Variants in IARS1 observed in about 807,000 individuals in gnomAD.
The protein encoded by IARS1 is isoleucyl-tRNA synthetase 1, also known as isoleucine--tRNA ligase, cytoplasmic.
A neutral mutation model predicts 168.2 loss-of-function variants in IARS1; 124 were observed. The ratio of observed to expected loss-of-function variants is 0.74; its 90% CI spans 0.64 to 0.86. The LOEUF (loss-of-function observed/expected upper bound fraction) is 0.86, where lower values mean the gene tolerates loss of function less well. Among genes scored for constraint, IARS1 ranks in the 40% least tolerant of loss-of-function variants. IARS1 has a pLI of 0.00. For synonymous variants in IARS1, 532 were observed against 529.4 expected (o/e 1.00, Z -0.07); for missense variants, 1,452 against 1,515.8 (o/e 0.96, Z 0.70).
At chr9:92,267,502 G>A (rs917724588) in intron 14 of IARS1, among the ~76,000 whole-genome samples, 3 of 152,092 alleles carry the variant, frequency 2.0e-5, no homozygotes, top group Admixed American at 1.3e-4. Context: ...ACTAAGTGGC[G>A]TGCACCACCA....
At chr9:92,222,340 C>CA (rs60335070) in intron 33 of IARS1, among the ~76,000 whole-genome samples, 180 bp downstream of exon 33, 601 of 55,382 alleles carry the variant, frequency 0.011, 14 homozygotes, top group East Asian at 0.022. Flanking sequence ...GACTCAGTCT[C>CA]AAAAAAAAAA....
chr9:92,261,601 A>T (rs1045345543), intron 17 of IARS1, among the ~76,000 whole-genome samples: 1 of 152,212 alleles, frequency 6.6e-6, no homozygotes, highest in African/African-American at 2.4e-5. Flanking sequence ...AGAAATCTGA[A>T]TACGATTAGT....
chr9:92,251,755 G>A, intron 22 of IARS1, 53 bp downstream of exon 22: 1 of 1,265,204 alleles, frequency 7.9e-7, no homozygotes, highest in Non-Finnish European at 1.2e-6. Flanking sequence ...GCAAGTAGGT[G>A]CTGAAGGCAG....
At chr9:92,250,908 A>C in intron 22 of IARS1, 74 bp from the exon 23 acceptor site, 1 of 1,470,056 alleles carries the variant, frequency 6.8e-7, no homozygotes, top group Non-Finnish European at 9.2e-7. Flanking sequence ...ACTGAGAAAC[A>C]ACTAAACATG....
rs1832552420 is a variant in IARS1, at chr9:92,268,217, C to A, written c.1388G>T (p.Trp463Leu). ...GACCCACAGTGGGATGGGGGTGCCC[C>A]AGTATCTGTTTCTGGAAATTGTCCA... ...RDWTISRNRY[W>L]GTPIPLWVSD... Residue 463 changes from tryptophan to leucine, a missense_variant, in exon 14 of 34, where the codon TGG becomes TTG. Transcript: ENST00000443024. 1 of 1,611,092 alleles carries A rather than the reference C, an allele frequency of 6.2e-7. No individual in the cohort carries two copies. Among genetic ancestry groups the A allele is most frequent in the Non-Finnish European group, 8.5e-7 (1 of 1,179,280 alleles).
At chr9:92,232,646 G>A (rs1826902501) in intron 30 of IARS1, among the ~76,000 whole-genome samples, 1 of 152,194 alleles carries the variant, frequency 6.6e-6, no homozygotes, top group Non-Finnish European at 1.5e-5. Flanking sequence ...ACCTGGGTAA[G>A]TTCTGAATGA....
intron 33 of IARS1, among the ~76,000 whole-genome samples, chr9:92,212,552 C>A (rs1326134074): frequency 1.3e-5 from 2 of 152,208 alleles, no homozygotes; most frequent in African/African-American, 4.8e-5. Flanking sequence ...CATGCCACTG[C>A]ATTTGCTTGC....
intron 33 of IARS1, among the ~76,000 whole-genome samples, chr9:92,220,608 A>C (rs1261752899): frequency 6.6e-6 from 1 of 151,202 alleles, no homozygotes; most frequent in African/African-American, 2.4e-5. Context: ...AACAAGAGTG[A>C]AACTCTGTCT....
At chr9:92,229,358 T>TAC (rs113517739) in intron 30 of IARS1, among the ~76,000 whole-genome samples, 6,009 of 144,824 alleles carry the variant, frequency 0.041, 197 homozygotes, top group African/African-American at 0.094. Context: ...ATATATACAC[T>TAC]ACACACACAC....
Position 92,265,487 on chromosome 9 carries a change from T to C in IARS1, c.1498A>G (p.Arg500Gly). 1 of 1,613,564 alleles carries C rather than the reference T, an allele frequency of 6.2e-7. No individual in the cohort carries two copies. The highest frequency in any genetic ancestry group is 8.5e-7 in the Non-Finnish European group (1 of 1,179,552). ...GAACATTTAGAAACTGACCTCTCTCTGTGGAGATCTGAGATCTTTGCTCCT... is the reference window on the plus strand; with the variant it reads ...GAACATTTAGAAACTGACCTCTCTCCGTGGAGATCTGAGATCTTTGCTCCT... ...LSGAKISDLH[R>G]ESVDHLTIPS... The change falls in exon 15 of 34, where the codon AGA becomes GGA. Residue 500 changes from arginine (R) to glycine (G), a missense_variant. Transcript: ENST00000443024.
At chr9:92,219,030 G>C (rs1839243158) in intron 33 of IARS1, among the ~76,000 whole-genome samples, 1 of 152,144 alleles carries the variant, frequency 6.6e-6, no homozygotes, top group Non-Finnish European at 1.5e-5. Flanking sequence ...TATACTACAA[G>C]GCTACAGTAA....
chr9:92,237,646 G>A (rs1416083634), intron 30 of IARS1, among the ~76,000 whole-genome samples: 7 of 152,066 alleles, frequency 4.6e-5, no homozygotes, highest in African/African-American at 1.2e-4. Flanking sequence ...TTTGTTAGAC[G>A]CATATAAATT....
At position 92,239,409 on chromosome 9, in the gene IARS1, A is replaced by G. The variant is rs534728178; in HGVS notation, c.3283+1447T>C. Among the ~76,000 whole-genome samples, 22 of 152,240 alleles carry G rather than the reference A, an allele frequency of 1.4e-4. No individual in the cohort carries two copies. In the South Asian group the frequency reaches 2.1e-3, roughly 14 times the overall value. On this transcript the variant is annotated intron_variant, in intron 30 of 33. Coordinates refer to ENST00000443024, the MANE Select transcript of IARS1 (RefSeq NM_002161.6). ...TCTGTAGTTCCTGATGAAAAATCCA[A>G]TATCATTTGTTCTTCCCCTGTAAGT...
rs1259355812 is a variant in IARS1 at position 92,210,565 on chromosome 9, T to A, written c.*242A>T. Reference sequence around the variant, plus strand: ...TATAGAAATAAACTGTGGGCTGAAGTAACATTGTAACCTGCTCCCAACATG... The same window carrying A: ...TATAGAAATAAACTGTGGGCTGAAGAAACATTGTAACCTGCTCCCAACATG... On this transcript the variant is annotated 3_prime_UTR_variant, in exon 34 of 34. Coordinates refer to ENST00000443024, the MANE Select transcript of IARS1 (RefSeq NM_002161.6). 20 of 386,056 alleles carry A rather than the reference T, an allele frequency of 5.2e-5. No homozygotes were observed. Among genetic ancestry groups the A allele is most frequent in the Non-Finnish European group, 4.7e-6 (1 of 213,690 alleles). The allele number at this position is 386,056 out of a possible 1,614,324, so 23.9% of individuals were successfully genotyped here. A position where few individuals can be genotyped will look rare whatever the true frequency, so the allele number is the denominator to read the frequency against.
At chr9:92,287,276 C>T (rs1224896385) in intron 4 of IARS1, 2 of 153,672 alleles carry the variant, frequency 1.3e-5, no homozygotes, top group African/African-American at 2.4e-5. Context: ...ATAAATGTTC[C>T]ATACTTAAGA....
chr9:92,242,241 T>C lies in IARS1; in HGVS notation c.3090A>G (p.Thr1030=). ...CCTTTATGGTGGTAAATATGAACTC[T>C]GTGTGGCTTTCAATAACACTATTCA... The part of the protein sequence containing the change: ...TYLNSVIESH[T]EFIFTTIKAP... The change falls in exon 29 of 34, where the codon ACA becomes ACG. Residue 1030 remains threonine (T), a synonymous_variant. Transcript: ENST00000443024. 1.2e-6 allele frequency: 2 copies of C among 1,613,804 alleles called. No homozygotes were observed. The highest frequency in any genetic ancestry group is 1.7e-6 in the Non-Finnish European group (2 of 1,179,642).
chr9:92,232,143 A>G (rs1400121976), intron 30 of IARS1, among the ~76,000 whole-genome samples: 4 of 143,742 alleles, frequency 2.8e-5, no homozygotes, highest in Non-Finnish European at 6.0e-5. Context: ...CTGTAAAAGT[A>G]GCTAACAGAG....
Position 92,256,787 on chromosome 9 carries a change from T to C in IARS1, c.2030A>G (p.Glu677Gly). 1 of 1,612,848 alleles carries C rather than the reference T, an allele frequency of 6.2e-7. No individual in the cohort carries two copies. The highest frequency in any genetic ancestry group is 8.5e-7 in the Non-Finnish European group (1 of 1,179,092). ...VLRLQKEEEIEFLYNENTVRE... is the reference protein window; with the variant it reads ...VLRLQKEEEIGFLYNENTVRE... Reference sequence around the variant, plus strand: ...AACCGTGTTCTCATTGTAGAGAAATTCTATTTCTTCCTCCTAGGAAGGAAC... The same window carrying C: ...AACCGTGTTCTCATTGTAGAGAAATCCTATTTCTTCCTCCTAGGAAGGAAC... Residue 677 changes from glutamate to glycine, a missense_variant, in exon 20 of 34, where the codon GAA (glutamate) becomes GGA (glycine). Transcript: ENST00000443024.
chr9:92,248,652 CA>C (rs886459066), intron 25 of IARS1, among the ~76,000 whole-genome samples: 211 of 46,750 alleles, frequency 4.5e-3, no homozygotes, highest in Middle Eastern at 0.023. Context: ...GACCCTGTCA[CA>C]AAAAAAAAAA....
Sources: allele counts gnomAD v4.1 joint callset (sites outside exome capture counted in the v4.1 genomes callset), GRCh38; gene constraint gnomAD v4.1.1; transcripts MANE v1.5; gene names NCBI Gene and HGNC (gene_info 2026-07-23, HGNC 2026-07-21).